Variants in CACNA2D3 observed in about 807,000 individuals in gnomAD.
CACNA2D3 encodes voltage-dependent calcium channel subunit alpha-2/delta-3.
A neutral mutation model predicts 160.6 loss-of-function variants in CACNA2D3; 60 were observed. The ratio of observed to expected loss-of-function variants is 0.37; its 90% confidence interval spans 0.30 to 0.46. The LOEUF is 0.46. Ranked by LOEUF, CACNA2D3 falls within the 20% of genes least tolerant of loss-of-function variation. The probability of loss-of-function intolerance (pLI) is 1.00; values close to 1 mark genes in which losing one functional copy is unlikely to be tolerated. For synonymous variants in CACNA2D3, 558 were observed against 492.9 expected (o/e 1.13, Z -1.75); for missense variants, 1,205 against 1,365.0 (o/e 0.88, Z 1.85).
intron 5 of CACNA2D3, among the ~76,000 whole-genome samples, chr3:54,548,692 G>A (rs1397479654): frequency 1.3e-5 from 2 of 152,162 alleles, no homozygotes; most frequent in Non-Finnish European, 2.9e-5. Context: ...TCCAGGGACC[G>A]TCTCCATTAC....
chr3:54,988,739 T>C (rs982791646), intron 31 of CACNA2D3, among the ~76,000 whole-genome samples: 1 of 152,206 alleles, frequency 6.6e-6, no homozygotes, highest in Admixed American at 6.5e-5. Context: ...CTGAGCACTT[T>C]GCTGAAAGCA....
chr3:54,788,214 C>A (rs1268727940), intron 13 of CACNA2D3, among the ~76,000 whole-genome samples: 1 of 152,168 alleles, frequency 6.6e-6, no homozygotes, highest in Non-Finnish European at 1.5e-5. Context: ...GGTTTGAAAA[C>A]CTTTTACCTT....
intron 11 of CACNA2D3, among the ~76,000 whole-genome samples, chr3:54,708,535 A>G (rs608142): frequency 0.91 from 139,290 of 152,230 alleles, 63,986 homozygotes; most frequent in African/African-American, 0.94. Flanking sequence ...TAATAGGTAA[A>G]TGTTGATTGA....
intron 4 of CACNA2D3, among the ~76,000 whole-genome samples, chr3:54,437,062 C>A (rs1700072026): frequency 6.6e-6 from 1 of 152,180 alleles, no homozygotes; most frequent in Non-Finnish European, 1.5e-5. Context: ...CTAGAGCAAC[C>A]ACTATTTCAA....
chr3:54,428,135 G>T (rs1463162693), intron 4 of CACNA2D3, among the ~76,000 whole-genome samples: 1 of 152,178 alleles, frequency 6.6e-6, no homozygotes, highest in Non-Finnish European at 1.5e-5. Context: ...CTCAGTGTTT[G>T]TTTACCATGC....
At chr3:54,529,583 T>C (rs1701775934) in intron 5 of CACNA2D3, among the ~76,000 whole-genome samples, 1 of 152,194 alleles carries the variant, frequency 6.6e-6, no homozygotes, top group South Asian at 2.1e-4. Flanking sequence ...TCCTCCCAGT[T>C]GCTGTGAGCA....
At chr3:54,145,394 A>G (rs915079517) in intron 2 of CACNA2D3, among the ~76,000 whole-genome samples, 8 of 152,300 alleles carry the variant, frequency 5.3e-5, no homozygotes, top group Non-Finnish European at 1.0e-4. Context: ...TGGTTGCCAA[A>G]CTGCAAGCTC....
intron 4 of CACNA2D3, among the ~76,000 whole-genome samples, chr3:54,428,715 C>T (rs900634060): frequency 6.6e-6 from 1 of 152,102 alleles, no homozygotes; most frequent in Non-Finnish European, 1.5e-5. Context: ...TAACAAAAAT[C>T]TGCCTTATTT....
chr3:54,260,045 A>C (rs184599424), intron 2 of CACNA2D3, among the ~76,000 whole-genome samples: 93 of 152,346 alleles, frequency 6.1e-4, no homozygotes, highest in Admixed American at 3.9e-3. Flanking sequence ...ACAGTGTTTG[A>C]TGTTTATAGA....
At chr3:54,899,735 C>T (rs905330685) in intron 26 of CACNA2D3, 53 bp from the exon 27 acceptor site, 26 of 1,266,120 alleles carry the variant, frequency 2.1e-5, no homozygotes, top group Admixed American at 1.3e-4. Context: ...ACTCTCTTAA[C>T]GTGTACACTG....
At chr3:55,072,366 G>A (rs1190689529) in intron 35 of CACNA2D3, among the ~76,000 whole-genome samples, 1 of 152,140 alleles carries the variant, frequency 6.6e-6, no homozygotes, top group Non-Finnish European at 1.5e-5. Context: ...CATATGAGGT[G>A]GCAACAGGTT....
chr3:54,815,993 C>A (rs6781094), intron 13 of CACNA2D3, among the ~76,000 whole-genome samples: 15,913 of 152,074 alleles, frequency 0.1, 1,096 homozygotes, highest in East Asian at 0.26. Context: ...GGAATTAAAC[C>A]GTAGCCTAAT....
intron 3 of CACNA2D3, among the ~76,000 whole-genome samples, chr3:54,369,070 G>C (rs1575418558): frequency 6.6e-6 from 1 of 151,972 alleles, no homozygotes; most frequent in Non-Finnish European, 1.5e-5. Context: ...CCCCCAAATA[G>C]TGAAAGCTTA....
intron 2 of CACNA2D3, among the ~76,000 whole-genome samples, chr3:54,217,550 T>G (rs938385544): frequency 1.3e-5 from 2 of 152,162 alleles, no homozygotes; most frequent in African/African-American, 4.8e-5. Context: ...ACAAGTATCC[T>G]TTTAAAAGAG....
chr3:54,448,983 G>A (rs72973153), intron 4 of CACNA2D3, among the ~76,000 whole-genome samples: 4,265 of 152,278 alleles, frequency 0.028, 196 homozygotes, highest in African/African-American at 0.098. Flanking sequence ...ATAAGACTTT[G>A]TCTTGAATTT....
intron 35 of CACNA2D3, among the ~76,000 whole-genome samples, chr3:55,048,017 T>G (rs1704100141): frequency 6.7e-6 from 1 of 148,740 alleles, no homozygotes; most frequent in Non-Finnish European, 1.5e-5. Flanking sequence ...CAATGGGGTT[T>G]TCTATATATA....
chr3:55,021,044 A>G (rs1703435430), intron 35 of CACNA2D3, among the ~76,000 whole-genome samples: 2 of 152,098 alleles, frequency 1.3e-5, no homozygotes, highest in Admixed American at 1.3e-4. Context: ...TAATATCTGT[A>G]GCATTTAATA....
chr3:54,839,963 G>A (rs1479963524), intron 16 of CACNA2D3, among the ~76,000 whole-genome samples: 1 of 152,124 alleles, frequency 6.6e-6, no homozygotes, highest in Non-Finnish European at 1.5e-5. Context: ...GAAACTAAAA[G>A]TCAAAGATGG....
intron 2 of CACNA2D3, among the ~76,000 whole-genome samples, chr3:54,238,941 A>G (rs561126439): frequency 6.6e-6 from 1 of 152,244 alleles, no homozygotes; most frequent in Admixed American, 6.5e-5. Flanking sequence ...ATCATTTTGA[A>G]TATTTTATTA....
Sources: gnomAD v4.1 joint callset for allele counts (sites outside exome capture counted in the v4.1 genomes callset) on GRCh38, gnomAD v4.1.1 for gene constraint, MANE v1.5 for transcripts, NCBI Gene and HGNC (gene_info 2026-07-23, HGNC 2026-07-21) for gene names.